DPP10: variants seen among roughly 807,000 people sequenced by gnomAD.
DPP10 encodes the protein inactive dipeptidyl peptidase 10.
In DPP10, 33 loss-of-function variants were observed where a neutral mutation model predicts 120.9. That is an observed-to-expected ratio of 0.27 (90% confidence interval 0.21 to 0.37). The LOEUF is 0.37. Among genes scored for constraint, DPP10 ranks in the 10% least tolerant of loss-of-function variants. The probability of loss-of-function intolerance (pLI) is 1.00; values close to 1 mark genes in which losing one functional copy is unlikely to be tolerated. For synonymous variants in DPP10, 337 were observed against 326.1 expected, an observed-to-expected ratio of 1.03 and a Z score of -0.36; for missense variants, 816 against 942.8, an observed-to-expected ratio of 0.87 and a Z score of 1.76.
intron 1 of DPP10, among the ~76,000 whole-genome samples, chr2:114,551,925 G>A (rs1687917325): frequency 6.6e-6 from 1 of 152,196 alleles, no homozygotes; most frequent in Non-Finnish European, 1.5e-5. Flanking sequence ...GATTGTAAAT[G>A]AATTTATGAT....
chr2:114,903,429 A>G (rs1574456435), intron 1 of DPP10, among the ~76,000 whole-genome samples: 1 of 152,316 alleles, frequency 6.6e-6, no homozygotes, highest in East Asian at 1.9e-4. Flanking sequence ...GTGTTGCTCT[A>G]AATCCTTGTC....
In DPP10 at chr2:114,526,677, G is replaced by C. The variant is rs140015386; in HGVS notation, c.60+83839G>C. Among the ~76,000 whole-genome samples the C allele has an allele frequency of 4.3e-3, 655 of 152,198 alleles. 7 individuals are homozygous for C. The highest frequency in any genetic ancestry group is 0.017 in the Middle Eastern group (5 of 294). On this transcript the variant is annotated intron_variant, in intron 1 of 25. Transcript: ENST00000410059. ...CCTGCTTCCTGGTTCATAGAAGTCT[G>C]TCTTCTTACTGTGTCCTCGCATGAT...
chr2:115,299,355 A>G (rs1018853004), intron 1 of DPP10, among the ~76,000 whole-genome samples: 1 of 152,050 alleles, frequency 6.6e-6, no homozygotes, highest in Non-Finnish European at 1.5e-5. Context: ...GCAAATAACA[A>G]ACAGGAAAGT....
intron 1 of DPP10, among the ~76,000 whole-genome samples, chr2:115,017,834 T>C (rs1287270275): frequency 6.8e-6 from 1 of 147,412 alleles, no homozygotes; most frequent in Non-Finnish European, 1.5e-5. Context: ...TAGGGGGACA[T>C]CACACACAGG....
chr2:114,813,358 A>T (rs1015132425), intron 1 of DPP10, among the ~76,000 whole-genome samples: 2 of 152,198 alleles, frequency 1.3e-5, no homozygotes, highest in Admixed American at 6.5e-5. Context: ...GAGTTGGGTT[A>T]TCTGAGTTTT....
At chr2:115,789,935 A>G (rs973956178) in intron 17 of DPP10, among the ~76,000 whole-genome samples, 2 of 152,214 alleles carry the variant, frequency 1.3e-5, no homozygotes, top group African/African-American at 4.8e-5. Flanking sequence ...TACTGCTGGG[A>G]GAAATTAAAG....
chr2:115,735,684 A>ATTTTTTT (rs70941095), intron 8 of DPP10, among the ~76,000 whole-genome samples: 1 of 62,462 alleles, frequency 1.6e-5, no homozygotes, highest in Non-Finnish European at 2.7e-5. Flanking sequence ...CGCCCAGCTA[A>ATTTTTTT]TTTTTTTTTT....
At chr2:114,464,167 T>G (rs1679159237) in intron 1 of DPP10, among the ~76,000 whole-genome samples, 1 of 152,210 alleles carries the variant, frequency 6.6e-6, no homozygotes, top group Admixed American at 6.5e-5. Flanking sequence ...TTGCAACTTA[T>G]GGGGGATATG....
At chr2:114,566,468 G>A (rs528756803) in intron 1 of DPP10, among the ~76,000 whole-genome samples, 8 of 152,272 alleles carry the variant, frequency 5.3e-5, no homozygotes, top group South Asian at 4.1e-4. Flanking sequence ...AGCATTTTGC[G>A]TTATCATGGT....
At chr2:115,712,131 A>G (rs2092339328) in intron 7 of DPP10, among the ~76,000 whole-genome samples, 1 of 151,394 alleles carries the variant, frequency 6.6e-6, no homozygotes, top group Non-Finnish European at 1.5e-5. Flanking sequence ...AAACAATTAT[A>G]CAACTCACCA....
chr2:115,138,474 T>C (rs149671139), intron 1 of DPP10, among the ~76,000 whole-genome samples: 28 of 152,326 alleles, frequency 1.8e-4, no homozygotes, highest in African/African-American at 6.7e-4. Context: ...AGGCATTTGA[T>C]AAGAATAGTT....
intron 2 of DPP10, among the ~76,000 whole-genome samples, chr2:115,340,685 T>C (rs537467809): frequency 6.6e-6 from 1 of 151,782 alleles, no homozygotes; most frequent in Non-Finnish European, 1.5e-5. Flanking sequence ...GTAAATGAAA[T>C]ATGTGGAACT....
At chr2:115,495,871 A>G (rs1414599262) in intron 3 of DPP10, among the ~76,000 whole-genome samples, 1 of 152,154 alleles carries the variant, frequency 6.6e-6, no homozygotes, top group Non-Finnish European at 1.5e-5. Context: ...AGAAAAGATT[A>G]TTTAATCAAA....
At chr2:115,045,079 C>G (rs1157152290) in intron 1 of DPP10, among the ~76,000 whole-genome samples, 1 of 152,162 alleles carries the variant, frequency 6.6e-6, no homozygotes, top group South Asian at 2.1e-4. Flanking sequence ...GCAATAAATA[C>G]AGAGTGCAGA....
chr2:115,402,167 G>A (rs1229400703), intron 3 of DPP10, among the ~76,000 whole-genome samples: 4 of 152,116 alleles, frequency 2.6e-5, no homozygotes, highest in Non-Finnish European at 5.9e-5. Flanking sequence ...GGCCAACACA[G>A]TACCATACAC....
chr2:115,162,832 T>C (rs1453026715), intron 1 of DPP10, among the ~76,000 whole-genome samples: 3 of 152,146 alleles, frequency 2.0e-5, no homozygotes, highest in Non-Finnish European at 4.4e-5. Context: ...ATCTCGTCTC[T>C]GTCCCTGATC....
intron 1 of DPP10, among the ~76,000 whole-genome samples, chr2:115,246,893 A>T (rs2058560526): frequency 6.6e-6 from 1 of 152,128 alleles, no homozygotes; most frequent in South Asian, 2.1e-4. Flanking sequence ...TCCGAACCAG[A>T]TAGGTTCTGC....
intron 1 of DPP10, among the ~76,000 whole-genome samples, chr2:114,717,351 T>C (rs1701417836): frequency 6.6e-6 from 1 of 152,216 alleles, no homozygotes; most frequent in Non-Finnish European, 1.5e-5. Flanking sequence ...GAGCATCTAC[T>C]TGTCAAAAGC....
intron 1 of DPP10, among the ~76,000 whole-genome samples, chr2:114,808,713 A>G (rs916986295): frequency 2.0e-5 from 3 of 151,946 alleles, no homozygotes; most frequent in Admixed American, 6.6e-5. Flanking sequence ...CCTCCTTTCT[A>G]GCCCTAAAAC....
Sources: allele counts gnomAD v4.1 joint callset (sites outside exome capture counted in the v4.1 genomes callset), GRCh38; gene constraint gnomAD v4.1.1; transcripts MANE v1.5; gene names NCBI Gene and HGNC (gene_info 2026-07-23, HGNC 2026-07-21).